Variants in FOXJ3 observed in about 807,000 individuals in gnomAD.
The protein encoded by FOXJ3 is forkhead box protein J3.
In FOXJ3, 22 loss-of-function variants were observed where a neutral mutation model predicts 76.1. The ratio of observed to expected loss-of-function variants is 0.29; its 90% CI spans 0.21 to 0.41. The LOEUF is 0.41. FOXJ3 is among the 10% of genes least tolerant of loss of function. FOXJ3 has a pLI of 1.00. For synonymous variants in FOXJ3, 269 were observed against 261.2 expected (o/e 1.03, Z -0.29); for missense variants, 613 against 762.1 (o/e 0.80, Z 2.30).
chr1:42,299,785 G>A (rs546482779), intron 2 of FOXJ3, among the ~76,000 whole-genome samples: 1 of 152,184 alleles, frequency 6.6e-6, no homozygotes, highest in South Asian at 2.1e-4. Context: ...GTACACACCA[G>A]TAATCCCAGC....
At chr1:42,288,302 A>G (rs575741114) in intron 2 of FOXJ3, among the ~76,000 whole-genome samples, 7 of 152,294 alleles carry the variant, frequency 4.6e-5, no homozygotes, top group African/African-American at 1.4e-4. Flanking sequence ...TGTTTCTTAT[A>G]TCCAGTTTAG....
intron 5 of FOXJ3, among the ~76,000 whole-genome samples, chr1:42,222,844 T>C (rs1253276955): frequency 6.6e-5 from 10 of 152,188 alleles, no homozygotes; most frequent in Non-Finnish European, 8.8e-5. Context: ...CTTTTAATGA[T>C]AGACACTTAA....
intron 2 of FOXJ3, among the ~76,000 whole-genome samples, chr1:42,289,254 A>G (rs1049825093): frequency 4.0e-5 from 6 of 151,786 alleles, no homozygotes; most frequent in African/African-American, 1.5e-4. Flanking sequence ...TTTCTTATAT[A>G]TAACAGAAAG....
At chr1:42,237,805 G>A (rs1648809533) in intron 4 of FOXJ3, among the ~76,000 whole-genome samples, 5 of 151,656 alleles carry the variant, frequency 3.3e-5, no homozygotes, top group Admixed American at 3.3e-4. Flanking sequence ...TTCTGTATAA[G>A]TGTGTGATAA....
chr1:42,315,463 A>C (rs1447638331), intron 1 of FOXJ3: 1 of 940,130 alleles, frequency 1.1e-6, no homozygotes, highest in Non-Finnish European at 1.3e-6. Flanking sequence ...AAACTGTCCA[A>C]ACACCAACAC....
At chr1:42,325,246 G>A (rs1655760101) in intron 1 of FOXJ3, among the ~76,000 whole-genome samples, 1 of 152,164 alleles carries the variant, frequency 6.6e-6, no homozygotes, top group African/African-American at 2.4e-5. Flanking sequence ...ATTAGATGAG[G>A]AAATTCCTTA....
At chr1:42,190,193 C>T (rs1045683235) in intron 9 of FOXJ3, among the ~76,000 whole-genome samples, 1 of 152,164 alleles carries the variant, frequency 6.6e-6, no homozygotes, top group African/African-American at 2.4e-5. Flanking sequence ...GACAGCAGTG[C>T]TGAATAGTGG....
In FOXJ3 at chr1:42,188,881, C is replaced by T. The variant is rs1188224204; in HGVS notation, c.1501G>A (p.Asp501Asn). Residue 501 changes from aspartate (D) to asparagine (N), a missense_variant, in exon 11 of 13, where the codon GAC (aspartate) becomes AAC (asparagine). Asp to Asn is a conservative substitution (Grantham distance 23, BLOSUM62 1). Transcript: ENST00000361346. ...RQADLKNWSL[D>N]QVQFADLCSS... ...CAAAGATCGGCAAACTGAACCTGGT[C>T]TAAAGACCAGTTCTTGAGATCTGCC... 6.2e-7 allele frequency: 1 copy of T among 1,612,638 alleles called. No homozygotes were observed. Among genetic ancestry groups the T allele is most frequent in the Non-Finnish European group, 8.5e-7 (1 of 1,179,304 alleles).
At chr1:42,280,436 C>CT (rs1386094702) in intron 2 of FOXJ3, 6 of 34,634 alleles carry the variant, frequency 1.7e-4, no homozygotes. Context: ...CTTCAGAGAT[C>CT]TTAAAAAAAA....
At chr1:42,183,354 AGGGGAGG>A (rs1646369221) in intron 11 of FOXJ3, among the ~76,000 whole-genome samples, 1 of 2,812 alleles carries the variant, frequency 3.6e-4, no homozygotes, top group Non-Finnish European at 6.2e-4. Flanking sequence ...AGGGGAGGGG[AGGGGAGG>A]GGAGTATTAT....
At position 42,285,660 on chromosome 1, in the gene FOXJ3, T is replaced by C. The variant is rs373358402; in HGVS notation, c.45-6988A>G. Among the ~76,000 whole-genome samples the C allele has an allele frequency of 1.3e-4, 20 of 152,208 alleles. No homozygotes were observed. The East Asian group carries it at 1.5e-3, about 12-fold the overall frequency. On this transcript the variant is annotated intron_variant, in intron 2 of 12. Transcript: ENST00000361346. ...TCTAAGATGTGGCCATTGAGGATAG[T>C]GGACAAGGTAAGATTCCTTGAAAGA...
chr1:42,266,500 CA>C (rs1212970045), intron 3 of FOXJ3, among the ~76,000 whole-genome samples: 15 of 152,068 alleles, frequency 9.9e-5, no homozygotes, highest in African/African-American at 2.9e-4. Context: ...TGGCAGAGCA[CA>C]GGAAAAAGAG....
chr1:42,298,548 CTTT>C (rs149001250), intron 2 of FOXJ3, among the ~76,000 whole-genome samples: 1 of 150,434 alleles, frequency 6.6e-6, no homozygotes, highest in African/African-American at 2.4e-5. Flanking sequence ...ATATTTAAAA[CTTT>C]TTTTTTTCTT....
intron 4 of FOXJ3, among the ~76,000 whole-genome samples, chr1:42,262,884 A>G (rs1050191165): frequency 1.3e-5 from 2 of 152,164 alleles, no homozygotes; most frequent in Non-Finnish European, 1.5e-5. Context: ...AAATAAAATA[A>G]ACCTCACTTT....
chr1:42,204,351 G>A (rs891644181), intron 6 of FOXJ3, among the ~76,000 whole-genome samples: 1 of 151,936 alleles, frequency 6.6e-6, no homozygotes, highest in Non-Finnish European at 1.5e-5. Flanking sequence ...TAGGCAGAAA[G>A]GTTAATCTAA....
At chr1:42,300,232 G>C (rs1340785387) in intron 2 of FOXJ3, among the ~76,000 whole-genome samples, 1 of 152,112 alleles carries the variant, frequency 6.6e-6, no homozygotes, top group Non-Finnish European at 1.5e-5. Flanking sequence ...ATAGATATGT[G>C]AGGTTTTGTT....
chr1:42,264,537 C>T (rs982521751), intron 4 of FOXJ3, among the ~76,000 whole-genome samples: 1 of 152,016 alleles, frequency 6.6e-6, no homozygotes, highest in African/African-American at 2.4e-5. Context: ...AAATACAGTA[C>T]AACCAAGTAC....
intron 1 of FOXJ3, among the ~76,000 whole-genome samples, chr1:42,315,173 AT>A (rs987327979): frequency 1.2e-4 from 19 of 152,328 alleles, no homozygotes; most frequent in African/African-American, 4.6e-4. Context: ...TTGCCAGGAG[AT>A]GGGGGAAGAG....
chr1:42,245,057 G>A (rs750248906), intron 4 of FOXJ3, among the ~76,000 whole-genome samples: 2 of 151,280 alleles, frequency 1.3e-5, no homozygotes, highest in African/African-American at 4.9e-5. Flanking sequence ...GCGTGCGCCT[G>A]TAATCCCAGC....
Sources: allele counts gnomAD v4.1 joint callset (sites outside exome capture counted in the v4.1 genomes callset), GRCh38; gene constraint gnomAD v4.1.1; transcripts MANE v1.5; gene names NCBI Gene and HGNC (gene_info 2026-07-23, HGNC 2026-07-21).